Variants in TAB1 observed in about 807,000 individuals in gnomAD.
TAB1 encodes the protein TGF-beta-activated kinase 1 and MAP3K7-binding protein 1.
Under a neutral mutation model 54.5 loss-of-function variants are expected in TAB1, and 30 were observed. The observed-to-expected ratio is 0.55, with a 90% CI of 0.41 to 0.75. The LOEUF (loss-of-function observed/expected upper bound fraction) is 0.75. Ranked by LOEUF, TAB1 falls within the 30% of genes least tolerant of loss-of-function variation. The pLI is 0.00. For missense variants in TAB1, 609 were observed against 683.2 expected, an observed-to-expected ratio of 0.89 and a Z score of 1.21; for synonymous variants, 289 against 286.9, an observed-to-expected ratio of 1.01 and a Z score of -0.07.
At chr22:39,433,066 C>T (rs1197782552), downstream of TAB1, 1 of 985,440 alleles carries the variant, frequency 1.0e-6, no homozygotes, top group Non-Finnish European at 1.2e-6. Context: ...AGCCTGTCTG[C>T]CTCCCATAGC....
chr22:39,421,367 T>C (rs945856749), intron 7 of TAB1, among the ~76,000 whole-genome samples: 7 of 152,202 alleles, frequency 4.6e-5, no homozygotes, highest in Non-Finnish European at 7.3e-5. Flanking sequence ...TGCACACACA[T>C]GTGTTGGCAT....
Position 39,431,664 on chromosome 22 carries a change from G to A in TAB1, c.*1442G>A, listed in dbSNP as rs944374834. On this transcript the variant is annotated 3_prime_UTR_variant, in exon 11 of 11. Coordinates refer to ENST00000216160, the MANE Select transcript of TAB1 (RefSeq NM_006116.3). ...CACAGCAGAAATGGAAGAAAAACAG[G>A]TCTCAGCCCAGGGTCCTCGCTCACT... 2 of 985,206 alleles carry A rather than the reference G, an allele frequency of 2.0e-6. No homozygotes were observed. The highest frequency in any genetic ancestry group is 6.2e-5 in the Admixed American group (1 of 16,254). The allele number at this position is 985,206 out of a possible 1,614,324, so 61.0% of individuals were successfully genotyped here.
intron 10 of TAB1, 101 bp from the exon 11 acceptor site, chr22:39,429,914 C>A: frequency 6.4e-7 from 1 of 1,562,462 alleles, no homozygotes; most frequent in Non-Finnish European, 8.7e-7. Context: ...AGGCCTGTGG[C>A]CCAAGAGGCT....
At position 39,428,160 on chromosome 22, in the gene TAB1, C is replaced by T. The variant is rs569304396; in HGVS notation, c.1284C>T (p.Asp428=). The T allele has an allele frequency of 2.4e-5, 38 of 1,609,516 alleles. No homozygotes were observed. The highest frequency in any genetic ancestry group is 1.8e-4 in the East Asian group (8 of 44,802). ...VNGAHSASTL[D]EATPTLTNQS... is the part of the protein sequence containing the mutation. ...GGGCTCACAGTGCTTCCACCCTGGA[C>T]GAAGCCACCCCCACCCTCACCAAGT... The change falls in exon 10 of 11, where the codon GAC becomes GAT. Residue 428 remains aspartate, a synonymous_variant. Coordinates refer to ENST00000216160, the MANE Select transcript of TAB1 (RefSeq NM_006116.3).
chr22:39,417,633 AAG>A (rs1926894364), intron 4 of TAB1, 76 bp from the exon 5 acceptor site: 3 of 1,418,484 alleles, frequency 2.1e-6, no homozygotes, highest in Non-Finnish European at 2.8e-6. Flanking sequence ...AAAAAAAAAA[AAG>A]AGTAAAGGGA....
intron 1 of TAB1, among the ~76,000 whole-genome samples, chr22:39,409,279 C>T (rs1468527579): frequency 2.6e-5 from 4 of 152,160 alleles, no homozygotes; most frequent in Admixed American, 6.6e-5. Context: ...AGAAAAGGAG[C>T]TACCTTTGGA....
In TAB1 at chr22:39,428,164, G is replaced by A. The variant is rs775435506; in HGVS notation, c.1288G>A (p.Ala430Thr). ...TCACAGTGCTTCCACCCTGGACGAA[G>A]CCACCCCCACCCTCACCAAGTAAGT... ...GAHSASTLDE[A>T]TPTLTNQSPT... The change falls in exon 10 of 11, where the codon GCC becomes ACC. Residue 430 changes from alanine to threonine, a missense_variant. Transcript: ENST00000216160. 3 of 1,608,676 alleles carry A rather than the reference G, an allele frequency of 1.9e-6. No individual in the cohort carries two copies. The highest frequency in any genetic ancestry group is 1.7e-5 in the Admixed American group (1 of 59,838).
intron 7 of TAB1, among the ~76,000 whole-genome samples, chr22:39,421,011 CCT>C: frequency 6.7e-6 from 1 of 150,326 alleles, no homozygotes; most frequent in Non-Finnish European, 1.5e-5. Flanking sequence ...GCTGGTGTGT[CCT>C]GCCCCTCCCA....
At chr22:39,406,185 G>A (rs1479469567) in intron 1 of TAB1, among the ~76,000 whole-genome samples, 1 of 152,118 alleles carries the variant, frequency 6.6e-6, no homozygotes, top group Non-Finnish European at 1.5e-5. Flanking sequence ...GGATCACAAG[G>A]TCAGGAGTTC....
rs546051820 is a variant in TAB1 at position 39,430,745 on chromosome 22, C to A, written c.*523C>A. 9.0e-5 allele frequency: 91 copies of A among 1,013,772 alleles called. No homozygotes were observed. The highest frequency in any genetic ancestry group is 1.0e-4 in the Non-Finnish European group (86 of 845,002). The allele number at this position is 1,013,772 out of a possible 1,614,324, so 62.8% of individuals were successfully genotyped here. A position where few individuals can be genotyped will look rare whatever the true frequency, so the allele number is the denominator to read the frequency against. On this transcript the variant is annotated 3_prime_UTR_variant, in exon 11 of 11. Coordinates refer to ENST00000216160, the MANE Select transcript of TAB1 (RefSeq NM_006116.3). ...TGTCCGCATCTGTCCCTGGGCCCCA[C>A]CCCTGGACCTGCCTTGGTTGTGTCA...
chr22:39,414,789 A>G (rs1926752097), intron 1 of TAB1: 2 of 538,294 alleles, frequency 3.7e-6, no homozygotes, highest in African/African-American at 2.0e-5. Flanking sequence ...GTGGAGTCTC[A>G]GTTTTCCTGG....
At chr22:39,418,369 G>A (rs986795078) in intron 5 of TAB1, among the ~76,000 whole-genome samples, 2 of 151,954 alleles carry the variant, frequency 1.3e-5, no homozygotes, top group African/African-American at 2.4e-5. Flanking sequence ...ACATTCATGC[G>A]CCCATCCCCA....
intron 4 of TAB1, 69 bp from the exon 5 acceptor site, chr22:39,417,641 AG>A: frequency 7.0e-7 from 1 of 1,428,472 alleles, no homozygotes; most frequent in Non-Finnish European, 9.3e-7. Context: ...AAAAGAGTAA[AG>A]GGAGTGGAGA....
downstream of TAB1, chr22:39,432,630 C>T (rs939499836): frequency 4.8e-5 from 27 of 559,276 alleles, 1 homozygote; most frequent in South Asian, 2.1e-3. Context: ...GCTTTGGTGT[C>T]AGCCCTGCCA....
Position 39,415,161 on chromosome 22 carries a change from C to A in TAB1, c.170+19C>A. ...AGTTCAGGTGTGTGTGCCAGCATTT[C>A]TGTGTTGGGCCCGGGGAGTTGGTTG... On this transcript the variant is annotated intron_variant, in intron 2 of 10. Coordinates refer to ENST00000216160, the MANE Select transcript of TAB1 (RefSeq NM_006116.3). This position sits in a 1 kb window ranked among gnomAD's most constrained non-coding sequence, Gnocchi z 4.9. The A allele has an allele frequency of 6.4e-7, 1 of 1,557,664 alleles. No homozygotes were observed. Among genetic ancestry groups the A allele is most frequent in the Admixed American group, 1.9e-5 (1 of 52,724 alleles).
Position 39,430,626 on chromosome 22 carries a change from C to T in TAB1, c.*404C>T. ...CTGCTGTCCCAAGCCCACCCCTCCT[C>T]CCACCATCACCTCCCTCACCTCGGG... On this transcript the variant is annotated 3_prime_UTR_variant, in exon 11 of 11. Transcript: ENST00000216160. 9.1e-7 allele frequency: 1 copy of T among 1,093,526 alleles called. No individual in the cohort carries two copies. Among genetic ancestry groups the T allele is most frequent in the Non-Finnish European group, 1.1e-6 (1 of 890,768 alleles). The allele number at this position is 1,093,526 out of a possible 1,614,324, so 67.7% of individuals were successfully genotyped here.
At chr22:39,432,780 G>A (rs1011203052), downstream of TAB1, 5 of 985,544 alleles carry the variant, frequency 5.1e-6, no homozygotes, top group African/African-American at 8.7e-5. Flanking sequence ...TGTGGGGCCG[G>A]GCGCTGCACT....
chr22:39,400,853 G>A (rs1002304611), intron 1 of TAB1, among the ~76,000 whole-genome samples: 1 of 152,082 alleles, frequency 6.6e-6, no homozygotes, highest in Non-Finnish European at 1.5e-5. Flanking sequence ...GGCCAACATG[G>A]TGAAACCCCG....
In TAB1 at chr22:39,430,862, A is replaced by G; in HGVS notation, c.*640A>G. ...GCCAGGTGGAAAGGAGCCAGGGGGA[A>G]GTGGTCTAAGAGACCTGGAACTGCC... On this transcript the variant is annotated 3_prime_UTR_variant, in exon 11 of 11. Transcript: ENST00000216160. 1 of 990,514 alleles carries G rather than the reference A, an allele frequency of 1.0e-6. No homozygotes were observed. The highest frequency in any genetic ancestry group is 1.2e-6 in the Non-Finnish European group (1 of 832,684). The allele number at this position is 990,514 out of a possible 1,614,324, so 61.4% of individuals were successfully genotyped here.
Sources: gnomAD v4.1 joint callset for allele counts (sites outside exome capture counted in the v4.1 genomes callset) on GRCh38, gnomAD v4.1.1 for gene constraint, Gnocchi (gnomAD v3.1) non-coding constraint, MANE v1.5 for transcripts, NCBI Gene and HGNC (gene_info 2026-07-23, HGNC 2026-07-21) for gene names.